PRKCQ: variants seen among roughly 807,000 people sequenced by gnomAD.
The protein encoded by PRKCQ is protein kinase C theta type.
PRKCQ carries 41 observed loss-of-function variants against 91.2 expected under a neutral mutation model. The ratio of observed to expected loss-of-function variants is 0.45; its 90% CI spans 0.35 to 0.58. The LOEUF (loss-of-function observed/expected upper bound fraction) is 0.58, where lower values mean the gene tolerates loss of function less well. Among genes scored for constraint, PRKCQ ranks in the 20% least tolerant of loss-of-function variants. The pLI, the probability that PRKCQ is intolerant of heterozygous loss-of-function variation, is 0.00. For missense variants in PRKCQ, 673 were observed against 896.5 expected (o/e 0.75, Z 3.18); for synonymous variants, 307 against 316.9 (o/e 0.97, Z 0.33).
At chr10:6,525,051 T>C (rs1273236427) in intron 1 of PRKCQ, among the ~76,000 whole-genome samples, 2 of 152,184 alleles carry the variant, frequency 1.3e-5, no homozygotes, top group African/African-American at 4.8e-5. Context: ...AAATCTGTCA[T>C]GCATAACAGG....
chr10:6,499,856 T>C (rs989779485), intron 4 of PRKCQ, among the ~76,000 whole-genome samples: 1 of 152,346 alleles, frequency 6.6e-6, no homozygotes, highest in African/African-American at 2.4e-5. Context: ...AGAAACACTC[T>C]AGGTAGACAA....
downstream of PRKCQ, among the ~76,000 whole-genome samples, chr10:6,424,501 A>T (rs1001097508): frequency 2.0e-5 from 3 of 152,102 alleles, no homozygotes; most frequent in Non-Finnish European, 2.9e-5. Context: ...AGGACAGAGA[A>T]AGGAGAGAGG....
chr10:6,478,910 G>T, intron 12 of PRKCQ, 82 bp downstream of exon 12: 1 of 1,468,506 alleles, frequency 6.8e-7, no homozygotes, highest in Non-Finnish European at 9.3e-7. Flanking sequence ...AATGACTCGT[G>T]TCTCCTAATG....
At chr10:6,556,203 G>A (rs1289252045) in intron 1 of PRKCQ, among the ~76,000 whole-genome samples, 1 of 152,174 alleles carries the variant, frequency 6.6e-6, no homozygotes, top group East Asian at 1.9e-4. Flanking sequence ...GCTGAGATAG[G>A]AGGATCACTT....
chr10:6,473,085 C>A (rs967122007), intron 12 of PRKCQ, among the ~76,000 whole-genome samples: 1 of 152,172 alleles, frequency 6.6e-6, no homozygotes, highest in African/African-American at 2.4e-5. Context: ...TTTCCTTAGA[C>A]CAGATGACAG....
At chr10:6,478,828 A>G (rs79822594) in intron 12 of PRKCQ, among the ~76,000 whole-genome samples, 164 bp downstream of exon 12, 1,643 of 152,306 alleles carry the variant, frequency 0.011, 31 homozygotes, top group African/African-American at 0.037. Flanking sequence ...TCTAAGTAAT[A>G]CTTCCATGGT....
At chr10:6,509,355 T>C (rs548579602) in intron 3 of PRKCQ, among the ~76,000 whole-genome samples, 2 of 152,280 alleles carry the variant, frequency 1.3e-5, no homozygotes, top group South Asian at 2.1e-4. Context: ...GAAGGAAACA[T>C]GAATAGAATC....
chr10:6,555,237 T>A lies in PRKCQ; in HGVS notation c.-10+24974A>T, dbSNP rs76214977. Among the ~76,000 whole-genome samples, 1,298 of 151,870 alleles carry A rather than the reference T, an allele frequency of 8.5e-3. 14 individuals carry two copies. The highest frequency in any genetic ancestry group is 0.03 in the African/African-American group (1,221 of 41,354). ...TAAACCTCAGTATCATGTAATATAC[T>A]CCCTGTATCTAAAATAAAAGTTAAA... On this transcript the variant is annotated intron_variant, in intron 1 of 17. Coordinates refer to ENST00000263125, the MANE Select transcript of PRKCQ (RefSeq NM_006257.5).
In PRKCQ at chr10:6,462,204, A is replaced by G. The variant is rs878997612; in HGVS notation, c.1508+99T>C. On this transcript the variant is annotated intron_variant, in intron 14 of 17. Transcript: ENST00000263125. ...CTATGTGTGGAGCTTACTCCCAGGAAATCACATGGGCTGTCTCACAGCACT... is the reference window on the plus strand; with the variant it reads ...CTATGTGTGGAGCTTACTCCCAGGAGATCACATGGGCTGTCTCACAGCACT... 2.6e-5 allele frequency: 28 copies of G among 1,091,724 alleles called. 1 individual carries two copies. The highest frequency in any genetic ancestry group is 1.5e-4 in the South Asian group (11 of 74,028). 67.6% of individuals were successfully genotyped at this position (1,091,724 alleles called of 1,614,324 possible).
intron 2 of PRKCQ, among the ~76,000 whole-genome samples, chr10:6,513,401 C>T (rs953947064): frequency 6.8e-6 from 1 of 147,534 alleles, no homozygotes; most frequent in Admixed American, 6.9e-5. Flanking sequence ...CAAGGACTCT[C>T]GATCCACATG....
intron 14 of PRKCQ, 64 bp downstream of exon 14, chr10:6,462,239 G>T: frequency 2.0e-6 from 3 of 1,467,990 alleles, no homozygotes; most frequent in South Asian, 1.1e-5. Context: ...TCGGTGCAAT[G>T]ATTAAATTAA....
the PRKCQ span, among the ~76,000 whole-genome samples, chr10:6,401,230 AC>A: frequency 1.3e-5 from 2 of 152,184 alleles, no homozygotes; most frequent in African/African-American, 2.4e-5. Flanking sequence ...TGCACGGAAA[AC>A]ATTGCAACCT....
intron 10 of PRKCQ, 62 bp from the exon 11 acceptor site, chr10:6,483,662 G>A: frequency 6.4e-7 from 1 of 1,563,168 alleles, no homozygotes; most frequent in Non-Finnish European, 8.7e-7. Context: ...TCTAGTTACT[G>A]AGAGCACATG....
chr10:6,515,362 G>A, intron 1 of PRKCQ: 1 of 1,465,808 alleles, frequency 6.8e-7, no homozygotes, highest in Non-Finnish European at 8.9e-7. Context: ...AGGCTTTCTG[G>A]AAGTCTGCAC....
intron 16 of PRKCQ, among the ~76,000 whole-genome samples, chr10:6,439,259 T>C (rs1221326607): frequency 1.3e-5 from 2 of 152,150 alleles, no homozygotes; most frequent in Non-Finnish European, 2.9e-5. Context: ...CTACCACGGA[T>C]AGGGCGCTGA....
At chr10:6,470,619 G>A (rs11597105) in intron 12 of PRKCQ, among the ~76,000 whole-genome samples, 15,972 of 152,228 alleles carry the variant, frequency 0.1, 1,053 homozygotes, top group Non-Finnish European at 0.13. Context: ...TTAAGGGGGA[G>A]AGACAAGGAG....
chr10:6,518,820 AAAAAG>A lies in PRKCQ; in HGVS notation c.-9-3681_-9-3677del, dbSNP rs146555579. On this transcript the variant is annotated intron_variant, in intron 1 of 17. Coordinates refer to ENST00000263125, the MANE Select transcript of PRKCQ (RefSeq NM_006257.5). ...GCAACAGAGCAAGACTCTGTCTTAA[AAAAAG>A]AAAAGAAAAGAAAAGAAAAATATAT... Among the ~76,000 whole-genome samples, 35 of 152,286 alleles carry A rather than the reference AAAAAG, an allele frequency of 2.3e-4. No homozygotes were observed. In the East Asian group the frequency reaches 5.4e-3, roughly 23 times the overall value.
chr10:6,449,530 C>T (rs1834528776), intron 15 of PRKCQ, among the ~76,000 whole-genome samples: 1 of 152,092 alleles, frequency 6.6e-6, no homozygotes, highest in African/African-American at 2.4e-5. Flanking sequence ...TCCAGGAGAA[C>T]TTCCCCAATC....
chr10:6,458,677 C>T (rs2132315257), intron 14 of PRKCQ, among the ~76,000 whole-genome samples: 1 of 152,196 alleles, frequency 6.6e-6, no homozygotes, highest in Non-Finnish European at 1.5e-5. Context: ...TGGCAGCCTC[C>T]AAGACTCATC....
Sources: allele counts gnomAD v4.1 joint callset (sites outside exome capture counted in the v4.1 genomes callset), GRCh38; gene constraint gnomAD v4.1.1; transcripts MANE v1.5; gene names NCBI Gene and HGNC (gene_info 2026-07-23, HGNC 2026-07-21).